Variants in SMOC1 observed in about 807,000 individuals in gnomAD.
The protein encoded by SMOC1 is SPARC related modular calcium binding 1.
Under a neutral mutation model 56.3 loss-of-function variants are expected in SMOC1, and 22 were observed. The ratio of observed to expected loss-of-function variants is 0.39; its 90% confidence interval spans 0.28 to 0.56. SMOC1 has a LOEUF of 0.56. Ranked by LOEUF, SMOC1 falls within the 20% of genes least tolerant of loss-of-function variation. The pLI, the probability that SMOC1 is intolerant of heterozygous loss-of-function variation, is 0.61. For synonymous variants in SMOC1, 193 were observed against 215.0 expected (o/e 0.90, Z 0.89); for missense variants, 509 against 565.4 (o/e 0.90, Z 1.01).
chr14:70,027,065 ATTCCTG>A (rs1885953962), intron 11 of SMOC1, among the ~76,000 whole-genome samples: 1 of 152,088 alleles, frequency 6.6e-6, no homozygotes, highest in South Asian at 2.1e-4. Context: ...GGCAGAAAGG[ATTCCTG>A]TGTCCCCACT....
intron 3 of SMOC1, among the ~76,000 whole-genome samples, chr14:69,955,132 G>A (rs1341679149): frequency 2.0e-5 from 3 of 152,168 alleles, no homozygotes; most frequent in African/African-American, 7.2e-5. Flanking sequence ...ATTTATAGAT[G>A]ATGCAACAGG....
At chr14:69,937,321 A>G (rs1885320979) in intron 1 of SMOC1, among the ~76,000 whole-genome samples, 1 of 152,234 alleles carries the variant, frequency 6.6e-6, no homozygotes, top group African/African-American at 2.4e-5. Context: ...GTCTGGACTA[A>G]TAGAAAAAGA....
At chr14:69,945,398 G>A (rs569971114) in intron 1 of SMOC1, among the ~76,000 whole-genome samples, 1 of 152,226 alleles carries the variant, frequency 6.6e-6, no homozygotes, top group South Asian at 2.1e-4. Context: ...GTAGGGATGG[G>A]GGCAGAAGTT....
intron 11 of SMOC1, among the ~76,000 whole-genome samples, 159 bp downstream of exon 11, chr14:70,023,606 T>C (rs1394418104): frequency 6.6e-6 from 1 of 152,140 alleles, no homozygotes; most frequent in African/African-American, 2.4e-5. Flanking sequence ...GAGACAGTGG[T>C]GGAATTGACT....
chr14:69,975,715 G>T lies in SMOC1; in HGVS notation c.379G>T (p.Val127Leu), dbSNP rs1158532327. ...ECGEDGSFTQ[V>L]QCHTYTGYCW... ...CTTCCCTTTTCACTTCCCTGAACAG[G>T]TGCAGTGCCATACTTACACTGGGTA... The change falls in exon 4 of 12, where the codon GTG becomes TTG. Residue 127 changes from valine to leucine, a missense_variant and splice_region_variant. Val to Leu is a conservative substitution (Grantham distance 32). Around this residue, in one of 3 missense-constraint regions of SMOC1, gnomAD observed 315 missense variants for 333.1 expected, o/e 0.95. Transcript: ENST00000361956. The T allele has an allele frequency of 6.2e-7, 1 of 1,609,954 alleles. No homozygotes were observed. Among genetic ancestry groups the T allele is most frequent in the Non-Finnish European group, 8.5e-7 (1 of 1,177,040 alleles).
At chr14:69,915,328 C>T (rs1323349256) in intron 1 of SMOC1, among the ~76,000 whole-genome samples, 1 of 152,168 alleles carries the variant, frequency 6.6e-6, no homozygotes, top group Non-Finnish European at 1.5e-5. Flanking sequence ...CCCTGAACCT[C>T]CTGTCACTGT....
At chr14:69,986,603 C>T (rs75514241) in intron 5 of SMOC1, among the ~76,000 whole-genome samples, 16,122 of 152,032 alleles carry the variant, frequency 0.11, 993 homozygotes, top group Non-Finnish European at 0.13. Context: ...TCCTGTGAAT[C>T]GATAATCATT....
intron 3 of SMOC1, among the ~76,000 whole-genome samples, chr14:69,961,301 TATA>T (rs1356083697): frequency 7.6e-6 from 1 of 131,832 alleles, no homozygotes; most frequent in Non-Finnish European, 1.6e-5. Context: ...TATATATATA[TATA>T]TATATATATA....
rs185922078 is a variant in SMOC1 at position 70,007,297 on chromosome 14, G to A, written c.665-3457G>A. ...TTTGAAGTGAGTTAATACACATAGT[G>A]CACCTAATTCCAAGTCTGGCCCATG... is the stretch of plus-strand genomic sequence containing the variant. On this transcript the variant is annotated intron_variant, in intron 7 of 11. Coordinates refer to ENST00000361956, the MANE Select transcript of SMOC1 (RefSeq NM_001034852.3). Among the ~76,000 whole-genome samples the A allele has an allele frequency of 3.9e-5, 6 of 152,304 alleles. No individual in the cohort carries two copies. The East Asian group carries it at 1.2e-3, about 29-fold the overall frequency.
intron 1 of SMOC1, among the ~76,000 whole-genome samples, chr14:69,931,321 C>T (rs1416584438): frequency 1.3e-5 from 2 of 152,264 alleles, no homozygotes; most frequent in Non-Finnish European, 2.9e-5. Flanking sequence ...CTGAGTCCCG[C>T]TCCCTCCGGG....
In SMOC1 at chr14:70,030,386, C is replaced by A; in HGVS notation, c.*128C>A. On this transcript the variant is annotated 3_prime_UTR_variant, in exon 12 of 12. Transcript: ENST00000361956. ...ACATAAGTGGTGCCCACCATGTTTG[C>A]ACTTTTAATAACTCTTACTTGCGTG... 8.4e-7 allele frequency: 1 copy of A among 1,191,612 alleles called. No individual in the cohort carries two copies. The highest frequency in any genetic ancestry group is 1.2e-6 in the Non-Finnish European group (1 of 825,540). The allele number at this position is 1,191,612 out of a possible 1,614,324, so 73.8% of individuals were successfully genotyped here.
rs575371612 is a variant in SMOC1, at chr14:70,023,280, G to A, written c.1124G>A (p.Ser375Asn). 12 of 1,614,186 alleles carry A rather than the reference G, an allele frequency of 7.4e-6. No individual in the cohort carries two copies. The Middle Eastern group carries it at 4.9e-4, about 67-fold the overall frequency. Residue 375 changes from serine to asparagine, a missense_variant, in exon 11 of 12, where the codon AGC becomes AAC. Ser to Asn is a conservative substitution (Grantham distance 46). Transcript: ENST00000361956. ...HWYFSQLDSN[S>N]SNDINKREMK... ...TATTTCAGCCAGCTGGACAGCAATAGCAGCAACGACATTAACAAGCGGGAG... is the reference window on the plus strand; with the variant it reads ...TATTTCAGCCAGCTGGACAGCAATAACAGCAACGACATTAACAAGCGGGAG...
At chr14:69,942,511 A>G (rs1163480065) in intron 1 of SMOC1, among the ~76,000 whole-genome samples, 1 of 152,190 alleles carries the variant, frequency 6.6e-6, no homozygotes, top group Non-Finnish European at 1.5e-5. Flanking sequence ...TTGTGTAACC[A>G]CTACCATAAT....
intron 1 of SMOC1, among the ~76,000 whole-genome samples, chr14:69,901,645 A>T (rs1377982014): frequency 6.6e-6 from 1 of 152,236 alleles, no homozygotes; most frequent in Non-Finnish European, 1.5e-5. Flanking sequence ...AATTTGACAA[A>T]TGTCTGAGAA....
chr14:69,949,338 C>A (rs141148720), intron 1 of SMOC1, among the ~76,000 whole-genome samples: 2 of 152,104 alleles, frequency 1.3e-5, no homozygotes, highest in African/African-American at 4.8e-5. Context: ...GAGGGAATGG[C>A]AGGCATGAGA....
intron 10 of SMOC1, among the ~76,000 whole-genome samples, chr14:70,015,687 C>A (rs1475476465): frequency 6.6e-6 from 1 of 151,924 alleles, no homozygotes; most frequent in Non-Finnish European, 1.5e-5. Flanking sequence ...GTTCAACAGG[C>A]CCACAGACGG....
chr14:69,984,313 A>G (rs1439144265), intron 5 of SMOC1, among the ~76,000 whole-genome samples: 1 of 152,248 alleles, frequency 6.6e-6, no homozygotes, highest in Non-Finnish European at 1.5e-5. Flanking sequence ...GTAAAATGTG[A>G]AGCTATTAAA....
intron 1 of SMOC1, among the ~76,000 whole-genome samples, chr14:69,934,720 G>T (rs895869075): frequency 6.6e-6 from 1 of 152,194 alleles, no homozygotes; most frequent in Admixed American, 6.5e-5. Flanking sequence ...AACATCATTT[G>T]CTGAGCCTTT....
chr14:69,895,822 T>C (rs1483257452), intron 1 of SMOC1, among the ~76,000 whole-genome samples: 3 of 150,336 alleles, frequency 2.0e-5, no homozygotes, highest in Non-Finnish European at 3.0e-5. Context: ...CCAATATTGC[T>C]GATTCCCAGT....
Sources: gnomAD v4.1 joint callset for allele counts (sites outside exome capture counted in the v4.1 genomes callset) on GRCh38, gnomAD v4.1.1 for gene constraint, gnomAD v4.1.1 regional missense constraint, MANE v1.5 for transcripts, NCBI Gene and HGNC (gene_info 2026-07-23, HGNC 2026-07-21) for gene names.